The following DMD variants were observed in gnomAD, a reference collection of about 807,000 sequenced individuals.
DMD encodes mutant dystrophin.
DMD carries 63 observed loss-of-function variants against 330.1 expected under a neutral mutation model. The observed-to-expected ratio is 0.19, with a 90% CI of 0.16 to 0.24. The LOEUF is 0.24. Ranked by LOEUF, DMD falls within the 10% of genes least tolerant of loss-of-function variation. The probability of loss-of-function intolerance (pLI) is 1.00; values close to 1 mark genes in which losing one functional copy is unlikely to be tolerated. For missense variants in DMD, 3,344 were observed against 2,684.1 expected (o/e 1.25, Z -5.43); for synonymous variants, 1,223 against 959.8 (o/e 1.27, Z -5.07).
chrX:33,112,072 C>A (rs1365417121), intron 1 of DMD, among the ~76,000 whole-genome samples: 1 of 110,390 alleles, frequency 9.1e-6, no homozygotes, highest in Non-Finnish European at 1.9e-5. Context: ...CAGTAGTCTG[C>A]CTCTTATCCA....
chrX:33,116,212 C>CA (rs1461817583), intron 1 of DMD, among the ~76,000 whole-genome samples: 2 of 108,083 alleles, frequency 1.9e-5, no homozygotes, highest in African/African-American at 3.4e-5. Context: ...AAAACAACGA[C>CA]AAAAAACCAC....
intron 62 of DMD, among the ~76,000 whole-genome samples, chrX:31,294,566 T>G (rs779719234): frequency 8.9e-6 from 1 of 112,391 alleles, no homozygotes; most frequent in Non-Finnish European, 1.9e-5. Flanking sequence ...TGGATTATCT[T>G]TGACATTCTT....
chrX:32,892,707 C>T (rs1260944568), intron 2 of DMD, among the ~76,000 whole-genome samples: 1 of 111,977 alleles, frequency 8.9e-6, no homozygotes, highest in East Asian at 2.8e-4. Flanking sequence ...TGCCCCCTTT[C>T]TTTCATAACA....
chrX:31,129,308 TAA>T (rs2034172477), intron 77 of DMD, among the ~76,000 whole-genome samples: 2 of 112,052 alleles, frequency 1.8e-5, no homozygotes, highest in Non-Finnish European at 3.8e-5. Flanking sequence ...TGTTATTTTA[TAA>T]GTCAAAAAAA....
chrX:31,205,083 T>C (rs748275353), intron 66 of DMD, among the ~76,000 whole-genome samples: 21 of 112,059 alleles, frequency 1.9e-4, no homozygotes, highest in African/African-American at 5.2e-4. Context: ...ACCCGGTGGA[T>C]AGTAGGTGCC....
intron 62 of DMD, among the ~76,000 whole-genome samples, chrX:31,296,317 G>C (rs1331481115): frequency 9.0e-6 from 1 of 111,622 alleles, no homozygotes; most frequent in African/African-American, 3.3e-5. Context: ...CTAAAAATAA[G>C]ACTGATAGCT....
chrX:32,255,300 C>A (rs1227190100), intron 43 of DMD, among the ~76,000 whole-genome samples: 2 of 111,395 alleles, frequency 1.8e-5, no homozygotes, highest in Admixed American at 9.6e-5. Flanking sequence ...GGTATATACC[C>A]AGAAGTGGAA....
intron 44 of DMD, among the ~76,000 whole-genome samples, chrX:32,003,970 T>A (rs1410658344): frequency 9.0e-6 from 1 of 111,660 alleles, no homozygotes; most frequent in Non-Finnish European, 1.9e-5. Flanking sequence ...ATGAGAATGA[T>A]TTAAACTTGT....
rs775393860 is a variant in DMD, at chrX:32,426,990, A to T, written c.4071+11251T>A. ...GGGAGGAAGGGGAGGATCAGAAAAAATACCTATCAGGTAGTATGCTTATTA... is the reference window on the plus strand; with the variant it reads ...GGGAGGAAGGGGAGGATCAGAAAAATTACCTATCAGGTAGTATGCTTATTA... On this transcript the variant is annotated intron_variant, in intron 29 of 78. Coordinates refer to ENST00000357033, the MANE Select transcript of DMD (RefSeq NM_004006.3). Among the ~76,000 whole-genome samples, 3 of 111,549 alleles carry T rather than the reference A, an allele frequency of 2.7e-5. No individual in the cohort carries two copies. The South Asian group carries it at 1.1e-3, about 42-fold the overall frequency.
intron 4 of DMD, among the ~76,000 whole-genome samples, chrX:32,844,046 G>T (rs1489759150): frequency 1.8e-5 from 2 of 112,096 alleles, no homozygotes; most frequent in Non-Finnish European, 3.8e-5. Flanking sequence ...TATCAGGTTT[G>T]AACACATTTA....
chrX:32,459,240 T>C (rs1321356733), intron 25 of DMD, among the ~76,000 whole-genome samples: 2 of 111,172 alleles, frequency 1.8e-5, no homozygotes, highest in African/African-American at 3.3e-5. Context: ...TCATCTTGAA[T>C]GTGGTAATAA....
intron 44 of DMD, among the ~76,000 whole-genome samples, chrX:32,014,916 A>T (rs1176523526): frequency 8.9e-6 from 1 of 112,147 alleles, no homozygotes; most frequent in Non-Finnish European, 1.9e-5. Flanking sequence ...CTGAAGGTAA[A>T]ATCAAAGCAG....
intron 52 of DMD, among the ~76,000 whole-genome samples, chrX:31,702,418 T>G (rs1229900992): frequency 1.8e-5 from 2 of 112,072 alleles, no homozygotes; most frequent in African/African-American, 6.5e-5. Flanking sequence ...TCCTCTCCCC[T>G]AATCACTGAT....
At chrX:31,479,154 C>T in intron 57 of DMD, 51 bp from the exon 58 acceptor site, 1 of 1,192,927 alleles carries the variant, frequency 8.4e-7, no homozygotes, top group Non-Finnish European at 1.1e-6. Flanking sequence ...GCATTCTTCT[C>T]AAAATTAATC....
intron 18 of DMD, among the ~76,000 whole-genome samples, chrX:32,504,161 CCTT>C (rs1280654404): frequency 2.7e-5 from 3 of 111,952 alleles, no homozygotes; most frequent in African/African-American, 9.7e-5. Context: ...AACCTTACAC[CCTT>C]CTTTTGTTTT....
At chrX:31,721,718 C>CTCTCTCTCTCTCTCTCTCTATA (rs1227959078) in intron 52 of DMD, among the ~76,000 whole-genome samples, 2 of 56,497 alleles carry the variant, frequency 3.5e-5, no homozygotes, top group Non-Finnish European at 6.7e-5. Context: ...CTCTCTCTCT[C>CTCTCTCTCTCTCTCTCTCTATA]TATATATATA....
chrX:31,604,196 G>A (rs1342809402), intron 55 of DMD, among the ~76,000 whole-genome samples: 1 of 112,305 alleles, frequency 8.9e-6, no homozygotes, highest in East Asian at 2.8e-4. Flanking sequence ...GAATATAGGA[G>A]ACCAAGTGAG....
chrX:31,721,470 T>C (rs1209742706), intron 52 of DMD, among the ~76,000 whole-genome samples: 1 of 109,132 alleles, frequency 9.2e-6, no homozygotes, highest in Non-Finnish European at 1.9e-5. Flanking sequence ...CGGATTACCT[T>C]TGGACTCAAG....
chrX:32,479,464 A>G (rs1338530146), intron 21 of DMD, among the ~76,000 whole-genome samples: 1 of 109,210 alleles, frequency 9.2e-6, no homozygotes, highest in African/African-American at 3.3e-5. Flanking sequence ...TCTGGTAACT[A>G]CCTTTCTATT....
Sources: gnomAD v4.1 joint callset for allele counts (sites outside exome capture counted in the v4.1 genomes callset) on GRCh38, gnomAD v4.1.1 for gene constraint, MANE v1.5 for transcripts, NCBI Gene and HGNC (gene_info 2026-07-23, HGNC 2026-07-21) for gene names.